The following TCEA1 variants were observed in gnomAD, a reference collection of about 807,000 sequenced individuals.
The protein encoded by TCEA1 is transcription elongation factor A protein 1.
Under a neutral mutation model 43.8 loss-of-function variants are expected in TCEA1, and 21 were observed. The ratio of observed to expected loss-of-function variants is 0.48; its 90% CI spans 0.34 to 0.69. The LOEUF (loss-of-function observed/expected upper bound fraction) is 0.69. TCEA1 is among the 30% of genes least tolerant of loss of function. The probability of loss-of-function intolerance (pLI) is 0.01; values close to 1 mark genes in which losing one functional copy is unlikely to be tolerated. For synonymous variants in TCEA1, 104 were observed against 117.5 expected (o/e 0.88, Z 0.75); for missense variants, 250 against 365.1 (o/e 0.68, Z 2.57).
chr8:53,987,162 A>G, intron 5 of TCEA1, 137 bp from the exon 6 acceptor site: 1 of 739,664 alleles, frequency 1.4e-6, no homozygotes, highest in Non-Finnish European at 2.3e-6. Flanking sequence ...TTAGTTCGTT[A>G]GAATCTGATC....
At chr8:53,998,964 C>G (rs778600664) in intron 3 of TCEA1, among the ~76,000 whole-genome samples, 1 of 152,110 alleles carries the variant, frequency 6.6e-6, no homozygotes. Flanking sequence ...CGAGGTGGCT[C>G]ACGCCTGTAA....
At position 54,013,697 on chromosome 8, in the gene TCEA1, A is replaced by C. The variant is rs1288946726; in HGVS notation, c.64-3205T>G. Among the ~76,000 whole-genome samples, 456 of 148,606 alleles carry C rather than the reference A, an allele frequency of 3.1e-3. 4 individuals are homozygous for C. Among genetic ancestry groups the C allele is most frequent in the African/African-American group, 0.01 (411 of 39,204 alleles). On this transcript the variant is annotated intron_variant, in intron 1 of 9. Transcript: ENST00000521604. ...CTCCATCTCAAAAAAAAAAAAAAAAAAAAAACAAAAAACAGACAAACAAAA... is the reference window on the plus strand; with the variant it reads ...CTCCATCTCAAAAAAAAAAAAAAAACAAAAACAAAAAACAGACAAACAAAA...
chr8:54,002,338 A>G (rs1804295955), intron 2 of TCEA1, among the ~76,000 whole-genome samples: 2 of 151,994 alleles, frequency 1.3e-5, no homozygotes, highest in African/African-American at 4.8e-5. Flanking sequence ...GCATGGTGGC[A>G]CGCACCTGTA....
intron 2 of TCEA1, among the ~76,000 whole-genome samples, chr8:54,003,502 G>C (rs1300708001): frequency 6.6e-6 from 1 of 152,180 alleles, no homozygotes; most frequent in South Asian, 2.1e-4. Flanking sequence ...TGGACGCGCA[G>C]ATCAATGGGA....
chr8:53,985,900 A>C (rs949892043), intron 6 of TCEA1, among the ~76,000 whole-genome samples: 1 of 152,216 alleles, frequency 6.6e-6, no homozygotes, highest in Non-Finnish European at 1.5e-5. Context: ...CTACAGTCTC[A>C]ATCTACAAGG....
At chr8:53,993,796 A>C in intron 3 of TCEA1, 41 bp from the exon 4 acceptor site, 2 of 1,480,130 alleles carry the variant, frequency 1.4e-6, no homozygotes, top group Non-Finnish European at 1.9e-6. Context: ...GCATTTGTAA[A>C]AACTAAAAAC....
At chr8:53,987,073 G>T in intron 5 of TCEA1, 48 bp from the exon 6 acceptor site, 1 of 1,462,826 alleles carries the variant, frequency 6.8e-7, no homozygotes, top group South Asian at 1.3e-5. Flanking sequence ...CAGATTAAAA[G>T]AAAATTCTAA....
At position 54,012,511 on chromosome 8, in the gene TCEA1, A is replaced by G. The variant is rs541919170; in HGVS notation, c.64-2019T>C. On this transcript the variant is annotated intron_variant, in intron 1 of 9. Transcript: ENST00000521604. ...GAAGTGGAGGTTGCAGTGAGCCGAG[A>G]TCGCGCCACTGCACTCCAGCCTGGG... is the stretch of plus-strand genomic sequence containing the variant. Among the ~76,000 whole-genome samples, 325 of 152,368 alleles carry G rather than the reference A, an allele frequency of 2.1e-3. 11 individuals carry two copies. The highest frequency in any genetic ancestry group is 3.4e-3 in the Middle Eastern group (1 of 292).
rs189913684 is a variant in TCEA1, at chr8:53,990,310, G to A, written c.321-2051C>T. 4.0e-3 allele frequency among the ~76,000 whole-genome samples: 605 copies of A among 150,492 alleles called. 4 individuals are homozygous for A. The highest frequency in any genetic ancestry group is 5.8e-3 in the Non-Finnish European group (393 of 67,658). On this transcript the variant is annotated intron_variant, in intron 4 of 9. Coordinates refer to ENST00000521604, the MANE Select transcript of TCEA1 (RefSeq NM_006756.4). ...CCTCAAGTGATAATTCCGCCTCGGC[G>A]TCCTAAAGTGCTTGAGCCACCGTGC... is the stretch of plus-strand genomic sequence containing the variant.
At chr8:53,980,561 A>G (rs7018154) in intron 7 of TCEA1, among the ~76,000 whole-genome samples, 8,465 of 152,188 alleles carry the variant, frequency 0.056, 772 homozygotes, top group African/African-American at 0.19. Context: ...GTAATTTCTT[A>G]TGTTACTATC....
chr8:53,968,739 G>T (rs967873012), intron 9 of TCEA1, among the ~76,000 whole-genome samples: 3 of 152,020 alleles, frequency 2.0e-5, no homozygotes, highest in Non-Finnish European at 4.4e-5. Context: ...TGAGACAGGG[G>T]AATCTCTTGA....
At chr8:53,977,763 A>G (rs1260900853) in intron 8 of TCEA1, among the ~76,000 whole-genome samples, 2 of 152,078 alleles carry the variant, frequency 1.3e-5, no homozygotes, top group African/African-American at 4.8e-5. Flanking sequence ...CACGGTTTTC[A>G]GCTGTTAAAG....
chr8:53,996,800 CA>C (rs1249985372), intron 3 of TCEA1, among the ~76,000 whole-genome samples: 1 of 134,520 alleles, frequency 7.4e-6, no homozygotes, highest in African/African-American at 3.7e-5. Flanking sequence ...AAAATTTATG[CA>C]AATTAAATTT....
chr8:53,970,723 T>C (rs1803131901), intron 8 of TCEA1, among the ~76,000 whole-genome samples: 1 of 152,190 alleles, frequency 6.6e-6, no homozygotes, highest in Admixed American at 6.5e-5. Context: ...TCACACCTTA[T>C]ATTTTTTATA....
chr8:53,984,231 TATATAA>T, intron 7 of TCEA1, 126 bp downstream of exon 7: 5 of 819,780 alleles, frequency 6.1e-6, no homozygotes, highest in East Asian at 2.9e-5. Context: ...ATTTGTCTAG[TATATAA>T]ATATATCAGA....
At chr8:53,989,389 T>C (rs1803798790) in intron 4 of TCEA1, among the ~76,000 whole-genome samples, 1 of 152,210 alleles carries the variant, frequency 6.6e-6, no homozygotes, top group South Asian at 2.1e-4. Context: ...ACTGATTAAA[T>C]CATCCACCAT....
Position 53,987,966 on chromosome 8 carries a change from C to G in TCEA1, c.466+148G>C, listed in dbSNP as rs777567133. 68 of 904,058 alleles carry G rather than the reference C, an allele frequency of 7.5e-5. 1 individual carries two copies. Among genetic ancestry groups the G allele is most frequent in the Non-Finnish European group, 1.0e-4 (63 of 632,616 alleles). The allele number at this position is 904,058 out of a possible 1,614,324, so 56.0% of individuals were successfully genotyped here. A position where few individuals can be genotyped will look rare whatever the true frequency, so the allele number is the denominator to read the frequency against. ...CTCCTCCTCTCCCCCTTAACAGACC[C>G]GTATCAGCAACAACTTCTCCCCAAG... On this transcript the variant is annotated intron_variant, in intron 5 of 9. Transcript: ENST00000521604.
intron 2 of TCEA1, among the ~76,000 whole-genome samples, chr8:54,000,714 A>G (rs1482622516): frequency 6.6e-6 from 1 of 152,092 alleles, no homozygotes; most frequent in Non-Finnish European, 1.5e-5. Flanking sequence ...GTACCAATAA[A>G]TAACGTGCCC....
chr8:54,009,785 C>T (rs1804591796), intron 2 of TCEA1: 1 of 152,220 alleles, frequency 6.6e-6, no homozygotes, highest in Non-Finnish European at 1.5e-5. Context: ...GTTAATAAAA[C>T]ATTATATATT....
Sources: gnomAD v4.1 joint callset for allele counts (sites outside exome capture counted in the v4.1 genomes callset) on GRCh38, gnomAD v4.1.1 for gene constraint, MANE v1.5 for transcripts, NCBI Gene and HGNC (gene_info 2026-07-23, HGNC 2026-07-21) for gene names.